Variants in FOXN3 observed in about 807,000 individuals in gnomAD.
FOXN3 encodes the protein forkhead box protein N3.
Under a neutral mutation model 38.4 loss-of-function variants are expected in FOXN3, and 7 were observed. That is an observed-to-expected ratio of 0.18 (90% CI 0.10 to 0.34). FOXN3 has a LOEUF of 0.34. Ranked by LOEUF, FOXN3 falls within the 10% of genes least tolerant of loss-of-function variation. The probability of loss-of-function intolerance (pLI) is 1.00; values close to 1 mark genes in which losing one functional copy is unlikely to be tolerated. For synonymous variants in FOXN3, 230 were observed against 242.2 expected, an observed-to-expected ratio of 0.95 and a Z score of 0.47; for missense variants, 456 against 613.4, an observed-to-expected ratio of 0.74 and a Z score of 2.71.
intron 1 of FOXN3, among the ~76,000 whole-genome samples, chr14:89,562,587 T>A (rs1439095718): frequency 6.6e-6 from 1 of 152,104 alleles, no homozygotes; most frequent in Admixed American, 6.6e-5. Flanking sequence ...ATAGCTACTC[T>A]ACACAGGATG....
chr14:89,289,190 A>AG (rs1886777765), intron 3 of FOXN3, among the ~76,000 whole-genome samples: 1 of 53,422 alleles, frequency 1.9e-5, no homozygotes, highest in South Asian at 7.8e-4. Context: ...TCAAAAAAAA[A>AG]AAAAAAAGAA....
chr14:89,473,498 C>T (rs1051517925), intron 1 of FOXN3, among the ~76,000 whole-genome samples: 6 of 151,938 alleles, frequency 3.9e-5, no homozygotes, highest in Non-Finnish European at 8.8e-5. Context: ...ACCTCAGCCT[C>T]GCAAGTAGCT....
chr14:89,502,284 T>C (rs1893818397), intron 1 of FOXN3, among the ~76,000 whole-genome samples: 1 of 152,208 alleles, frequency 6.6e-6, no homozygotes, highest in African/African-American at 2.4e-5. Flanking sequence ...GGAGTTCCCA[T>C]GGGACCCTGA....
intron 4 of FOXN3, among the ~76,000 whole-genome samples, chr14:89,193,895 T>C (rs1888029399): frequency 6.6e-6 from 1 of 152,228 alleles, no homozygotes; most frequent in African/African-American, 2.4e-5. Flanking sequence ...CTAGGGGATA[T>C]ATAGTAATAT....
chr14:89,598,219 C>T (rs965348556), intron 1 of FOXN3, among the ~76,000 whole-genome samples: 2 of 152,018 alleles, frequency 1.3e-5, no homozygotes, highest in East Asian at 1.9e-4. Context: ...CTACTTTTAC[C>T]ATGTATGTTA....
intron 3 of FOXN3, among the ~76,000 whole-genome samples, chr14:89,335,998 C>G (rs1888441426): frequency 6.6e-6 from 1 of 152,052 alleles, no homozygotes; most frequent in Non-Finnish European, 1.5e-5. Context: ...AATTCATGGG[C>G]AAGAAAGCTT....
chr14:89,305,013 C>A (rs1391703090), intron 3 of FOXN3, among the ~76,000 whole-genome samples: 1 of 150,950 alleles, frequency 6.6e-6, no homozygotes, highest in Non-Finnish European at 1.5e-5. Context: ...TTCTATGTGG[C>A]CAAAGCATGA....
At chr14:89,440,621 G>A (rs1028788881) in intron 1 of FOXN3, among the ~76,000 whole-genome samples, 2 of 152,168 alleles carry the variant, frequency 1.3e-5, no homozygotes, top group African/African-American at 4.8e-5. Flanking sequence ...CTGCCCGCCA[G>A]AGAACAAACG....
At chr14:89,469,908 C>T (rs927576075) in intron 1 of FOXN3, among the ~76,000 whole-genome samples, 1 of 152,212 alleles carries the variant, frequency 6.6e-6, no homozygotes, top group Non-Finnish European at 1.5e-5. Flanking sequence ...GCGAGTTGGT[C>T]GCCACGGGCT....
chr14:89,209,129 G>T (rs553203606), intron 4 of FOXN3, among the ~76,000 whole-genome samples: 1 of 152,344 alleles, frequency 6.6e-6, no homozygotes, highest in Admixed American at 6.5e-5. Flanking sequence ...ATATATGAAT[G>T]ATATAAACAA....
chr14:89,370,008 A>C (rs1008173147), intron 2 of FOXN3, among the ~76,000 whole-genome samples: 1 of 152,274 alleles, frequency 6.6e-6, no homozygotes, highest in Non-Finnish European at 1.5e-5. Context: ...ATTTTGGATT[A>C]TCCAACTGCA....
chr14:89,324,674 A>G (rs1257574775), intron 3 of FOXN3, among the ~76,000 whole-genome samples: 1 of 152,116 alleles, frequency 6.6e-6, no homozygotes, highest in Non-Finnish European at 1.5e-5. Context: ...TGATCTCTTA[A>G]CCACAGGGAC....
chr14:89,529,419 A>T (rs142753505), intron 1 of FOXN3, among the ~76,000 whole-genome samples: 1 of 152,358 alleles, frequency 6.6e-6, no homozygotes, highest in East Asian at 1.9e-4. Flanking sequence ...CATTTTAGGC[A>T]GTACAATTGC....
chr14:89,311,829 A>AT, intron 3 of FOXN3, among the ~76,000 whole-genome samples: 1 of 152,068 alleles, frequency 6.6e-6, no homozygotes. Flanking sequence ...CCGTCTCAAA[A>AT]AACAAACAAA....
At chr14:89,333,677 G>A (rs1034472939) in intron 3 of FOXN3, among the ~76,000 whole-genome samples, 21 of 140,320 alleles carry the variant, frequency 1.5e-4, no homozygotes, top group Admixed American at 9.9e-4. Flanking sequence ...CATGAGAATC[G>A]CTTGACAGAG....
chr14:89,264,108 C>T (rs1384882054), intron 4 of FOXN3: 2 of 152,306 alleles, frequency 1.3e-5, no homozygotes, highest in East Asian at 3.9e-4. Context: ...ACCCTATGAA[C>T]TAACAGGGGG....
intron 2 of FOXN3, among the ~76,000 whole-genome samples, chr14:89,359,396 G>C (rs1242822172): frequency 6.6e-6 from 1 of 152,038 alleles, no homozygotes; most frequent in African/African-American, 2.4e-5. Context: ...AAACCATTCA[G>C]TGCCTGCCTG....
chr14:89,415,847 TACACACACACACACAC>T (rs5810462), intron 1 of FOXN3, among the ~76,000 whole-genome samples: 7 of 140,412 alleles, frequency 5.0e-5, no homozygotes, highest in Non-Finnish European at 9.2e-5. Flanking sequence ...AACTTTTCTC[TACACACACACACACAC>T]ACACACACAC....
chr14:89,220,067 C>T (rs1463747609), intron 4 of FOXN3, among the ~76,000 whole-genome samples: 2 of 152,130 alleles, frequency 1.3e-5, no homozygotes, highest in African/African-American at 4.8e-5. Flanking sequence ...CTCCATTTTG[C>T]TATGCTTTTT....
Sources: gnomAD v4.1 joint callset for allele counts (sites outside exome capture counted in the v4.1 genomes callset) on GRCh38, gnomAD v4.1.1 for gene constraint, MANE v1.5 for transcripts, NCBI Gene and HGNC (gene_info 2026-07-23, HGNC 2026-07-21) for gene names.